Variants in ARHGEF28 observed in about 807,000 individuals in gnomAD.
The protein encoded by ARHGEF28 is Rho guanine nucleotide exchange factor 28, also known as 190 kDa guanine nucleotide exchange factor.
ARHGEF28 carries 152 observed loss-of-function variants against 206.6 expected under a neutral mutation model. That is an observed-to-expected ratio of 0.74 (90% CI 0.64 to 0.84). The LOEUF is 0.84. Ranked by LOEUF, ARHGEF28 falls within the 40% of genes least tolerant of loss-of-function variation. ARHGEF28 has a pLI of 0.00. For synonymous variants in ARHGEF28, 763 were observed against 776.4 expected (o/e 0.98, Z 0.29); for missense variants, 2,028 against 2,073.2 (o/e 0.98, Z 0.42).
chr5:73,916,469 G>A (rs1763217877), intron 35 of ARHGEF28, among the ~76,000 whole-genome samples: 1 of 152,154 alleles, frequency 6.6e-6, no homozygotes, highest in Non-Finnish European at 1.5e-5. Context: ...AGGGATCAAG[G>A]TGTTGGCAGC....
chr5:73,652,190 CTTATT>C (rs1744879303), intron 1 of ARHGEF28, among the ~76,000 whole-genome samples: 9 of 152,070 alleles, frequency 5.9e-5, no homozygotes, highest in Admixed American at 5.9e-4. Flanking sequence ...CCTCACGAAG[CTTATT>C]ATCTAGTTGA....
intron 22 of ARHGEF28, among the ~76,000 whole-genome samples, chr5:73,880,931 T>A (rs1224568313): frequency 1.0e-5 from 1 of 99,012 alleles, no homozygotes; most frequent in Non-Finnish European, 2.1e-5. Context: ...AGTGGCACCC[T>A]GCCTCAAAAA....
chr5:73,900,087 A>G (rs959806022), intron 30 of ARHGEF28: 4 of 152,258 alleles, frequency 2.6e-5, no homozygotes, highest in Non-Finnish European at 4.4e-5. Flanking sequence ...CAGCTTGAAC[A>G]AAATGGACTT....
At chr5:73,843,251 A>T (rs1053476294) in intron 11 of ARHGEF28, among the ~76,000 whole-genome samples, 3 of 152,124 alleles carry the variant, frequency 2.0e-5, no homozygotes, top group African/African-American at 7.2e-5. Flanking sequence ...ATCTGTTTTG[A>T]GTACAGGTAA....
chr5:73,659,470 C>T (rs900595941), intron 1 of ARHGEF28, among the ~76,000 whole-genome samples: 7 of 150,966 alleles, frequency 4.6e-5, no homozygotes, highest in Non-Finnish European at 1.0e-4. Context: ...GTGGAGGTTG[C>T]AGTGAGCCGA....
chr5:73,874,110 TC>T (rs1182966562), intron 22 of ARHGEF28, among the ~76,000 whole-genome samples: 1 of 152,198 alleles, frequency 6.6e-6, no homozygotes, highest in Non-Finnish European at 1.5e-5. Context: ...AAGTTGCACT[TC>T]CCTCATGGCT....
At chr5:73,939,485 C>G (rs939533001) in intron 35 of ARHGEF28, among the ~76,000 whole-genome samples, 1 of 152,174 alleles carries the variant, frequency 6.6e-6, no homozygotes, top group Admixed American at 6.5e-5. Flanking sequence ...CCATGCCTCC[C>G]TACCTCTCTT....
In ARHGEF28 at chr5:73,911,504, T is replaced by C; in HGVS notation, c.4877T>C (p.Leu1626Pro). 1 of 1,613,790 alleles carries C rather than the reference T, an allele frequency of 6.2e-7. No homozygotes were observed. The change falls in exon 35 of 36, where the codon CTG (leucine) becomes CCG (proline). Residue 1626 changes from leucine (L) to proline (P), a missense_variant. By Grantham distance (98) the Leu-to-Pro change is moderately conservative. Coordinates refer to ENST00000513042, the MANE Select transcript of ARHGEF28 (RefSeq NM_001177693.2). ...CAGCCTTCGAATGTCAGTCACAAACTGTGGACAGCCGCTGGTTCCGGCCAT... is the reference window on the plus strand; with the variant it reads ...CAGCCTTCGAATGTCAGTCACAAACCGTGGACAGCCGCTGGTTCCGGCCAT... ...PSQPSNVSHK[L>P]WTAAGSGHQI...
At chr5:73,832,313 C>A (rs768334272) in intron 9 of ARHGEF28, 25 bp from the exon 10 acceptor site, 5 of 1,610,152 alleles carry the variant, frequency 3.1e-6, no homozygotes, top group Non-Finnish European at 4.2e-6. Context: ...CCTTTATTTG[C>A]CCTGTTTTCA....
At chr5:73,730,535 T>G (rs927298897) in intron 2 of ARHGEF28, among the ~76,000 whole-genome samples, 1 of 73,196 alleles carries the variant, frequency 1.4e-5, no homozygotes, top group African/African-American at 7.7e-5. Context: ...ATAAGGAGGA[T>G]TTTTTTTTTT....
chr5:73,927,597 G>T (rs374429436), intron 35 of ARHGEF28, among the ~76,000 whole-genome samples: 1 of 152,130 alleles, frequency 6.6e-6, no homozygotes, highest in East Asian at 1.9e-4. Flanking sequence ...GGGTTCAAGT[G>T]ATCCCCCTGC....
At chr5:73,690,296 A>T (rs7720643) in intron 2 of ARHGEF28, among the ~76,000 whole-genome samples, 5,169 of 152,120 alleles carry the variant, frequency 0.034, 317 homozygotes, top group African/African-American at 0.12. Flanking sequence ...TTTTGATTAC[A>T]TTTTATATTG....
chr5:73,704,861 A>G (rs1264177681), intron 2 of ARHGEF28, among the ~76,000 whole-genome samples: 1 of 152,212 alleles, frequency 6.6e-6, no homozygotes, highest in East Asian at 1.9e-4. Flanking sequence ...CCACGGTGTC[A>G]TCACATCTGA....
chr5:73,745,164 G>A (rs552727799), intron 2 of ARHGEF28, among the ~76,000 whole-genome samples: 3 of 152,098 alleles, frequency 2.0e-5, no homozygotes, highest in African/African-American at 4.8e-5. Flanking sequence ...TCAGCAAATA[G>A]CATTGTTATT....
At chr5:73,882,407 C>T in intron 22 of ARHGEF28, 65 bp from the exon 23 acceptor site, 2 of 1,132,846 alleles carry the variant, frequency 1.8e-6, no homozygotes, top group East Asian at 3.0e-5. Context: ...ATGAAAATTG[C>T]ATATTTTTTG....
intron 10 of ARHGEF28, among the ~76,000 whole-genome samples, chr5:73,834,815 A>T (rs1757522535): frequency 6.6e-6 from 1 of 152,156 alleles, no homozygotes; most frequent in Admixed American, 6.5e-5. Context: ...CTAGGTGTGT[A>T]GAAGGCTATA....
rs1404414569 is a variant in ARHGEF28 at position 73,843,322 on chromosome 5, G to A, written c.1427+2562G>A. 2.0e-5 allele frequency among the ~76,000 whole-genome samples: 3 copies of A among 152,306 alleles called. No individual in the cohort carries two copies. The South Asian group carries it at 6.2e-4, about 32-fold the overall frequency. On this transcript the variant is annotated intron_variant, in intron 11 of 35. Transcript: ENST00000513042. ...AAAGGGAGGAAGCCAGGAGAGGAAGGAGAAGCCATTCTACAGAAAAGCTTT... is the reference window on the plus strand; with the variant it reads ...AAAGGGAGGAAGCCAGGAGAGGAAGAAGAAGCCATTCTACAGAAAAGCTTT...
At chr5:73,850,279 G>A (rs1758623712) in intron 13 of ARHGEF28, among the ~76,000 whole-genome samples, 1 of 152,002 alleles carries the variant, frequency 6.6e-6, no homozygotes, top group South Asian at 2.1e-4. Flanking sequence ...GGGATGTACT[G>A]TTAGAAGAGA....
chr5:73,732,609 T>C (rs951846706), intron 2 of ARHGEF28, among the ~76,000 whole-genome samples: 2 of 152,216 alleles, frequency 1.3e-5, no homozygotes, highest in African/African-American at 2.4e-5. Flanking sequence ...TATTCTACTA[T>C]TTTTAATTCT....
Sources: gnomAD v4.1 joint callset for allele counts (sites outside exome capture counted in the v4.1 genomes callset) on GRCh38, gnomAD v4.1.1 for gene constraint, MANE v1.5 for transcripts, NCBI Gene and HGNC (gene_info 2026-07-23, HGNC 2026-07-21) for gene names.